The following TRRAP variants were observed in gnomAD, a reference collection of about 807,000 sequenced individuals.
TRRAP encodes transformation/transcription domain associated protein.
A neutral mutation model predicts 438.8 loss-of-function variants in TRRAP; 41 were observed. That is an observed-to-expected ratio of 0.09 (90% CI 0.07 to 0.12). The LOEUF is 0.12. TRRAP is among the 10% of genes least tolerant of loss of function. TRRAP has a pLI of 1.00. For synonymous variants in TRRAP, 1,994 were observed against 1,962.9 expected (o/e 1.02, Z -0.42); for missense variants, 3,122 against 5,055.1 (o/e 0.62, Z 11.60).
chr7:98,923,033 T>A (rs1789872187), intron 21 of TRRAP, among the ~76,000 whole-genome samples: 1 of 152,034 alleles, frequency 6.6e-6, no homozygotes, highest in African/African-American at 2.4e-5. Flanking sequence ...CTATGCCTCA[T>A]CCCCAGCCCT....
intron 13 of TRRAP, among the ~76,000 whole-genome samples, chr7:98,906,589 T>G (rs186182112): frequency 6.6e-6 from 1 of 151,990 alleles, no homozygotes; most frequent in South Asian, 2.1e-4. Flanking sequence ...CCTACCACCA[T>G]GCCTGGCTAA....
chr7:98,934,290 C>A (rs1790456331), intron 27 of TRRAP, among the ~76,000 whole-genome samples: 1 of 152,206 alleles, frequency 6.6e-6, no homozygotes, highest in Non-Finnish European at 1.5e-5. Flanking sequence ...CAAATTCTTC[C>A]AGGTCCATAC....
chr7:98,950,358 G>A, intron 38 of TRRAP, 96 bp downstream of exon 38: 2 of 1,400,960 alleles, frequency 1.4e-6, no homozygotes, highest in South Asian at 2.6e-5. Flanking sequence ...TGTCACTCTT[G>A]AATAAATAGT....
chr7:98,887,845 A>C (rs145161704), intron 3 of TRRAP, among the ~76,000 whole-genome samples: 1 of 150,826 alleles, frequency 6.6e-6, no homozygotes, highest in Non-Finnish European at 1.5e-5. Context: ...AAGTTACATT[A>C]TGTTATAGAC....
Position 99,012,052 on chromosome 7 carries a change from C to T in TRRAP, c.11338-19C>T, listed in dbSNP as rs527587202. Reference sequence around the variant, plus strand: ...GTTCTTGGTTAAACACAAGTCGTCTCGTTCTCTCCCTCACGCAGGTGGATG... The same window carrying T: ...GTTCTTGGTTAAACACAAGTCGTCTTGTTCTCTCCCTCACGCAGGTGGATG... On this transcript the variant is annotated intron_variant, in intron 72 of 72. Coordinates refer to ENST00000456197, the MANE Select transcript of TRRAP (RefSeq NM_001375524.1). This position sits in a 1 kb window ranked among gnomAD's most constrained non-coding sequence, Gnocchi z 5.9. 13 of 1,609,768 alleles carry T rather than the reference C, an allele frequency of 8.1e-6. No homozygotes were observed. The highest frequency in any genetic ancestry group is 2.7e-5 in the African/African-American group (2 of 74,844).
intron 30 of TRRAP, among the ~76,000 whole-genome samples, chr7:98,940,662 CT>C (rs1178067401): frequency 3.9e-5 from 6 of 152,130 alleles, no homozygotes; most frequent in South Asian, 2.1e-4. Context: ...TTTTTCCTCC[CT>C]TTTCTGCTCT....
intron 57 of TRRAP, 56 bp downstream of exon 57, chr7:98,978,379 A>T: frequency 6.8e-7 from 1 of 1,475,346 alleles, no homozygotes; most frequent in Non-Finnish European, 9.4e-7. Context: ...AACCAGGGAA[A>T]AATCTCTGAC....
rs1456935292 is a variant in TRRAP at position 98,951,475 on chromosome 7, G to A, written c.5463+471G>A. Among the ~76,000 whole-genome samples, 5 of 152,246 alleles carry A rather than the reference G, an allele frequency of 3.3e-5. No individual in the cohort carries two copies. The East Asian group carries it at 9.6e-4, about 29-fold the overall frequency. On this transcript the variant is annotated intron_variant, in intron 39 of 72. Coordinates refer to ENST00000456197, the MANE Select transcript of TRRAP (RefSeq NM_001375524.1). Reference sequence around the variant, plus strand: ...GTGGCCGTAGTCCAGTCTGAAATGAGCTCGGTTTTAATATCTCTGTGCTTT... The same window carrying A: ...GTGGCCGTAGTCCAGTCTGAAATGAACTCGGTTTTAATATCTCTGTGCTTT...
chr7:98,941,153 A>G (rs1452038242), intron 30 of TRRAP, among the ~76,000 whole-genome samples: 1 of 152,140 alleles, frequency 6.6e-6, no homozygotes, highest in Non-Finnish European at 1.5e-5. Flanking sequence ...ACATATGATT[A>G]TTAAGTCTTT....
chr7:98,923,211 A>G (rs1039541721), intron 21 of TRRAP, among the ~76,000 whole-genome samples: 1 of 152,316 alleles, frequency 6.6e-6, no homozygotes. Flanking sequence ...TTGACTCTGT[A>G]TAGACAAAAA....
chr7:98,956,418 C>T lies in TRRAP; in HGVS notation c.6116C>T (p.Pro2039Leu). The change falls in exon 43 of 73, where the codon CCA becomes CTA. Residue 2039 changes from proline (P) to leucine (L), a missense_variant. Transcript: ENST00000456197. This position sits in a 1 kb window ranked among gnomAD's most constrained non-coding sequence, Gnocchi z 4.5. ...KDQQPDSDMD[P>L]NSSGEGVNSV... ...TTTAAGCCGGATTCAGATATGGACC[C>T]AAATTCCAGTGGAGAAGGAGTCAAT... 1 of 1,614,106 alleles carries T rather than the reference C, an allele frequency of 6.2e-7. No homozygotes were observed. The highest frequency in any genetic ancestry group is 1.1e-5 in the South Asian group (1 of 91,062).
chr7:98,960,626 C>G (rs946811575), intron 45 of TRRAP, among the ~76,000 whole-genome samples: 1 of 152,138 alleles, frequency 6.6e-6, no homozygotes, highest in Non-Finnish European at 1.5e-5. Flanking sequence ...CAGTCTCACT[C>G]TGTCGCCCAG....
chr7:98,886,262 C>A (rs1002442085), intron 3 of TRRAP, among the ~76,000 whole-genome samples: 26 of 152,008 alleles, frequency 1.7e-4, no homozygotes, highest in African/African-American at 6.3e-4. Context: ...TGCACTCCAG[C>A]CTGGGCAACA....
chr7:98,953,031 T>TTGTG lies in TRRAP; in HGVS notation c.5464-90_5464-87dup, dbSNP rs57047314. ...CCTCCTTGTAAAACTTCATGTTACA[T>TTGTG]TGTGTGTGTGTGTGTGTGTGTGTGT... On this transcript the variant is annotated intron_variant, in intron 39 of 72. Coordinates refer to ENST00000456197, the MANE Select transcript of TRRAP (RefSeq NM_001375524.1). 1.2e-3 allele frequency: 1,389 copies of TTGTG among 1,168,982 alleles called. 5 individuals are homozygous for TTGTG. The highest frequency in any genetic ancestry group is 8.2e-3 in the East Asian group (317 of 38,732). 72.4% of individuals were successfully genotyped at this position (1,168,982 alleles called of 1,614,324 possible).
intron 4 of TRRAP, among the ~76,000 whole-genome samples, chr7:98,892,165 G>A (rs1030739061): frequency 4.6e-5 from 7 of 152,206 alleles, no homozygotes; most frequent in African/African-American, 1.4e-4. Context: ...CTGATAAGCC[G>A]TGGAAGGGGA....
chr7:98,965,643 G>A, intron 48 of TRRAP, 53 bp from the exon 49 acceptor site: 2 of 1,609,676 alleles, frequency 1.2e-6, no homozygotes. Flanking sequence ...GTGGCTGCCT[G>A]TTTAAATCAA....
intron 27 of TRRAP, among the ~76,000 whole-genome samples, chr7:98,934,173 A>G (rs1790450998): frequency 6.6e-6 from 1 of 152,202 alleles, no homozygotes; most frequent in African/African-American, 2.4e-5. Context: ...CATCTTTAGA[A>G]TACAGTAGTG....
intron 53 of TRRAP, among the ~76,000 whole-genome samples, chr7:98,974,700 A>G (rs997807282): frequency 7.2e-5 from 11 of 152,238 alleles, no homozygotes; most frequent in African/African-American, 2.7e-4. Flanking sequence ...GAAAAAAACA[A>G]TTTAAAAATT....
intron 53 of TRRAP, among the ~76,000 whole-genome samples, chr7:98,975,662 C>G (rs1359376297): frequency 6.6e-6 from 1 of 152,340 alleles, no homozygotes; most frequent in East Asian, 1.9e-4. Flanking sequence ...TTTCTCCTGC[C>G]TCTTGTCCAC....
Sources: allele counts gnomAD v4.1 joint callset (sites outside exome capture counted in the v4.1 genomes callset), GRCh38; gene constraint gnomAD v4.1.1; non-coding constraint Gnocchi (gnomAD v3.1); transcripts MANE v1.5; gene names NCBI Gene and HGNC (gene_info 2026-07-23, HGNC 2026-07-21).